The following SLC35B4 variants were observed in gnomAD, a reference collection of about 807,000 sequenced individuals.
SLC35B4 encodes nucleotide sugar transporter SLC35B4.
SLC35B4 carries 28 observed loss-of-function variants against 39.5 expected under a neutral mutation model. The ratio of observed to expected loss-of-function variants is 0.71; its 90% CI spans 0.53 to 0.97. SLC35B4 has a LOEUF of 0.97. SLC35B4 is among the 50% of genes least tolerant of loss of function. The pLI is 0.00. For synonymous variants in SLC35B4, 145 were observed against 150.4 expected (o/e 0.96, Z 0.26); for missense variants, 334 against 414.3 (o/e 0.81, Z 1.68).
intron 1 of SLC35B4, among the ~76,000 whole-genome samples, chr7:134,316,458 G>A (rs1803979689): frequency 6.6e-6 from 1 of 152,264 alleles, no homozygotes; most frequent in African/African-American, 2.4e-5. Context: ...CTGTTAGGCG[G>A]GACTGCCGCC....
intron 9 of SLC35B4, 73 bp downstream of exon 9, chr7:134,296,318 G>A (rs1803464323): frequency 7.7e-7 from 1 of 1,301,450 alleles, no homozygotes; most frequent in African/African-American, 1.4e-5. Flanking sequence ...ACTGTTAGAA[G>A]AAAAGAATGA....
At chr7:134,308,999 T>C (rs1803773032) in intron 2 of SLC35B4, among the ~76,000 whole-genome samples, 1 of 152,206 alleles carries the variant, frequency 6.6e-6, no homozygotes, top group African/African-American at 2.4e-5. Context: ...CAAAAGCCAT[T>C]CGTTTTTAAA....
Position 134,292,769 on chromosome 7 carries a change from A to G in SLC35B4, c.*2064T>C, listed in dbSNP as rs1044793343. On this transcript the variant is annotated 3_prime_UTR_variant, in exon 10 of 10. Coordinates refer to ENST00000378509, the MANE Select transcript of SLC35B4 (RefSeq NM_032826.5). ...AGCACCGTCAATTCTGAGGAACTCT[A>G]CATATTTCAAAGCAAGTGGCTTTTG... 1.9e-4 allele frequency: 29 copies of G among 152,216 alleles called. No individual in the cohort carries two copies. The highest frequency in any genetic ancestry group is 6.8e-4 in the African/African-American group (28 of 41,444). The allele number at this position is 152,216 out of a possible 1,614,324, so 9.4% of individuals were successfully genotyped here.
At chr7:134,318,333 A>C (rs1314471750), upstream of SLC35B4, among the ~76,000 whole-genome samples, 1 of 152,176 alleles carries the variant, frequency 6.6e-6, no homozygotes, top group Non-Finnish European at 1.5e-5. Flanking sequence ...CATAAATAGA[A>C]AGCCTACTAC....
chr7:134,301,676 C>T, intron 6 of SLC35B4, 85 bp downstream of exon 6: 1 of 1,283,454 alleles, frequency 7.8e-7, no homozygotes, highest in African/African-American at 1.5e-5. Flanking sequence ...GCTGAAGCTT[C>T]TTGCCAAGAA....
chr7:134,318,093 T>C (rs530480745), upstream of SLC35B4, among the ~76,000 whole-genome samples: 15 of 152,318 alleles, frequency 9.8e-5, no homozygotes, highest in East Asian at 2.5e-3. Flanking sequence ...TACAAAATAG[T>C]TTGGAATGCT....
chr7:134,311,607 A>G (rs185443533), intron 1 of SLC35B4, among the ~76,000 whole-genome samples: 51 of 152,334 alleles, frequency 3.3e-4, no homozygotes, highest in African/African-American at 1.2e-3. Context: ...GTGAGCCGAG[A>G]TCATGCCACT....
At chr7:134,304,701 G>T in intron 4 of SLC35B4, 104 bp downstream of exon 4, 1 of 873,836 alleles carries the variant, frequency 1.1e-6, no homozygotes, top group Non-Finnish European at 1.8e-6. Context: ...ATGGCCAGAA[G>T]CAAACTTATC....
In SLC35B4 at chr7:134,296,401, T is replaced by G; in HGVS notation, c.739A>C (p.Ile247Leu). The change falls in exon 9 of 10, where the codon ATC becomes CTC. Residue 247 changes from isoleucine to leucine, a missense_variant. Ile to Leu is a conservative substitution (Grantham distance 5). Transcript: ENST00000378509. The stretch of plus-strand genomic sequence containing the variant: ...CAGTCCAAAGGATACTGAGTGATGA[T>G]GTTCATGAGGAGGTAGAACCACATG... ...PIMWFYLLMN[I>L]ITQYVCIRGV... 6.2e-7 allele frequency: 1 copy of G among 1,613,812 alleles called. No homozygotes were observed. The highest frequency in any genetic ancestry group is 8.5e-7 in the Non-Finnish European group (1 of 1,179,796).
chr7:134,299,522 C>A lies in SLC35B4; in HGVS notation c.673+1G>T. 1 of 1,612,916 alleles carries A rather than the reference C, an allele frequency of 6.2e-7. No homozygotes were observed. The highest frequency in any genetic ancestry group is 8.5e-7 in the Non-Finnish European group (1 of 1,179,078). ...ATTCTACTGTCTAACCCCAAACTCA[C>A]CAGACTTATTGAATAGAACTGCATG... On this transcript the variant is annotated splice_donor_variant, in intron 8 of 9. Transcript: ENST00000378509. LOFTEE classifies it high-confidence loss of function.
Position 134,309,851 on chromosome 7 carries a change from G to A in SLC35B4, c.78-372C>T, listed in dbSNP as rs115462817. 1.0e-3 allele frequency among the ~76,000 whole-genome samples: 155 copies of A among 152,236 alleles called. 1 individual carries two copies. Among genetic ancestry groups the A allele is most frequent in the African/African-American group, 3.5e-3 (146 of 41,536 alleles). On this transcript the variant is annotated intron_variant, in intron 1 of 9. Coordinates refer to ENST00000378509, the MANE Select transcript of SLC35B4 (RefSeq NM_032826.5). ...TTAATCAGGATCCCAGTCAGCTTAG[G>A]TAGCAAAGCCCAGGGACAGAAATAT...
rs1190611510 is a variant in SLC35B4, at chr7:134,293,119, A to C, written c.*1714T>G. ...AGCCACGTCTCAGTTTAAGAACACAATGTGTGCACCACACACACACACATA... is the reference window on the plus strand; with the variant it reads ...AGCCACGTCTCAGTTTAAGAACACACTGTGTGCACCACACACACACACATA... On this transcript the variant is annotated 3_prime_UTR_variant, in exon 10 of 10. Transcript: ENST00000378509. 1 of 146,924 alleles carries C rather than the reference A, an allele frequency of 6.8e-6. No homozygotes were observed. The highest frequency in any genetic ancestry group is 2.6e-5 in the African/African-American group (1 of 38,188). The allele number at this position is 146,924 out of a possible 1,614,324, so 9.1% of individuals were successfully genotyped here.
At position 134,316,900 on chromosome 7, in the gene SLC35B4, T is replaced by C; in HGVS notation, c.-149A>G. 1 of 706,590 alleles carries C rather than the reference T, an allele frequency of 1.4e-6. No homozygotes were observed. The highest frequency in any genetic ancestry group is 1.8e-5 in the South Asian group (1 of 54,096). 43.8% of individuals were successfully genotyped at this position (706,590 alleles called of 1,614,324 possible). The stretch of plus-strand genomic sequence containing the variant: ...CACTGGGGGCCGCCGCGGTCTCCCC[T>C]TCTCCCGCGGCCAACACCGACGCTG... On this transcript the variant is annotated 5_prime_UTR_variant, in exon 1 of 10. Transcript: ENST00000378509.
At chr7:134,309,628 T>A (rs1803789276) in intron 1 of SLC35B4, 149 bp from the exon 2 acceptor site, 1 of 639,094 alleles carries the variant, frequency 1.6e-6, no homozygotes, top group Non-Finnish European at 2.7e-6. Context: ...AGCCTTTGGA[T>A]CACATATACT....
At chr7:134,315,192 A>C (rs1380017080) in intron 1 of SLC35B4, among the ~76,000 whole-genome samples, 1 of 152,182 alleles carries the variant, frequency 6.6e-6, no homozygotes, top group Non-Finnish European at 1.5e-5. Flanking sequence ...TTGGACTAGG[A>C]GCTTAGATAT....
At chr7:134,299,277 A>T in intron 8 of SLC35B4, 1 of 418,876 alleles carries the variant, frequency 2.4e-6, no homozygotes, top group Admixed American at 4.0e-5. Context: ...ATTCAAATGC[A>T]AACACACAAA....
intron 3 of SLC35B4, 101 bp downstream of exon 3, chr7:134,306,571 A>C: frequency 1.1e-6 from 1 of 902,408 alleles, no homozygotes; most frequent in Middle Eastern, 2.3e-4. Flanking sequence ...TCTACCCAAG[A>C]CCACTTACTA....
upstream of SLC35B4, among the ~76,000 whole-genome samples, chr7:134,318,253 G>T (rs1447556790): frequency 1.3e-5 from 2 of 152,214 alleles, no homozygotes; most frequent in East Asian, 1.9e-4. Context: ...AGCACTCCAC[G>T]TTCTAATTCT....
rs1346101705 is a variant in SLC35B4, at chr7:134,290,186, C to T, written c.*4647G>A. 6.6e-6 allele frequency: 1 copy of T among 152,228 alleles called. No individual in the cohort carries two copies. The highest frequency in any genetic ancestry group is 1.5e-5 in the Non-Finnish European group (1 of 68,062). The allele number at this position is 152,228 out of a possible 1,614,324, so 9.4% of individuals were successfully genotyped here. A position where few individuals can be genotyped will look rare whatever the true frequency, so the allele number is the denominator to read the frequency against. ...TGTAAGGTGCTAACTACATAATACT[C>T]TTCCCTTCTACCACCAGGCAATCCA... On this transcript the variant is annotated 3_prime_UTR_variant, in exon 10 of 10. Coordinates refer to ENST00000378509, the MANE Select transcript of SLC35B4 (RefSeq NM_032826.5).
Sources: gnomAD v4.1 joint callset for allele counts (sites outside exome capture counted in the v4.1 genomes callset) on GRCh38, gnomAD v4.1.1 for gene constraint, MANE v1.5 for transcripts, NCBI Gene and HGNC (gene_info 2026-07-23, HGNC 2026-07-21) for gene names.